The following TBC1D30 variants were observed in gnomAD, a reference collection of about 807,000 sequenced individuals.
TBC1D30 encodes the protein TBC1 domain family member 30, also known as TBC1 domain family, member 30.
Under a neutral mutation model 63.2 loss-of-function variants are expected in TBC1D30, and 31 were observed. The observed-to-expected ratio is 0.49, with a 90% CI of 0.37 to 0.66. The LOEUF is 0.66. TBC1D30 is among the 30% of genes least tolerant of loss of function. The pLI is 0.00. For missense variants in TBC1D30, 810 were observed against 953.6 expected (o/e 0.85, Z 1.98); for synonymous variants, 307 against 361.5 (o/e 0.85, Z 1.71).
exon 1 of TBC1D30, chr12:64,780,718 G>T: frequency 1.0e-6 from 1 of 980,934 alleles, no homozygotes; most frequent in South Asian, 4.7e-5. Context: ...GGGCACCACC[G>T]GCGAGGACGA....
At chr12:64,855,813 A>C (rs1010689112) in intron 8 of TBC1D30, among the ~76,000 whole-genome samples, 3 of 152,180 alleles carry the variant, frequency 2.0e-5, no homozygotes, top group African/African-American at 7.2e-5. Context: ...TATTTAGTTC[A>C]TTTGGTGAGG....
chr12:64,857,364 G>A (rs536794223), intron 8 of TBC1D30, among the ~76,000 whole-genome samples: 5 of 152,250 alleles, frequency 3.3e-5, no homozygotes, highest in Admixed American at 2.6e-4. Flanking sequence ...TTGGCCCAGG[G>A]TGTGGCTGGA....
At chr12:64,840,881 G>A (rs1565670843) in intron 7 of TBC1D30, among the ~76,000 whole-genome samples, 1 of 152,208 alleles carries the variant, frequency 6.6e-6, no homozygotes, top group Non-Finnish European at 1.5e-5. Flanking sequence ...CATGCAGCTT[G>A]TTAAGGGAAA....
intron 2 of TBC1D30, among the ~76,000 whole-genome samples, chr12:64,806,871 A>T (rs891900604): frequency 6.6e-6 from 1 of 152,254 alleles, no homozygotes; most frequent in Non-Finnish European, 1.5e-5. Flanking sequence ...GGAGACTGAC[A>T]CATGCTGTGA....
chr12:64,854,290 A>G (rs1324771004), intron 8 of TBC1D30, among the ~76,000 whole-genome samples: 3 of 152,040 alleles, frequency 2.0e-5, no homozygotes, highest in Non-Finnish European at 2.9e-5. Context: ...GGCACATACT[A>G]TCTTAAACCT....
rs79247589 is a variant in TBC1D30 at position 64,760,595 on chromosome 12, A to G, written c.-376+946A>G. Among the ~76,000 whole-genome samples the G allele has an allele frequency of 5.9e-5, 9 of 152,260 alleles. No individual in the cohort carries two copies. The East Asian group carries it at 1.7e-3, about 29-fold the overall frequency. On this transcript the variant is annotated intron_variant, in intron 1 of 13. Coordinates refer to the TBC1D30 transcript ENST00000674237. The stretch of plus-strand genomic sequence containing the variant: ...AAAAAATCACAGAGATATTCCTGGC[A>G]AGGTGAACTGTCAAGTCACATCCCC...
chr12:64,787,176 AGAGCTGTGTGG>A (rs1291243246), intron 2 of TBC1D30, among the ~76,000 whole-genome samples: 4 of 152,194 alleles, frequency 2.6e-5, no homozygotes, highest in African/African-American at 4.8e-5. Flanking sequence ...ATCATAACTA[AGAGCTGTGTGG>A]GAGCTGTGTG....
chr12:64,839,996 C>A (rs1357666639), intron 7 of TBC1D30, among the ~76,000 whole-genome samples: 1 of 85,056 alleles, frequency 1.2e-5, no homozygotes, highest in Non-Finnish European at 2.0e-5. Flanking sequence ...CAGAGCAAGA[C>A]TCTGTCTCAA....
At chr12:64,765,490 C>CAAAAAAAAAAAAAAAAAA (rs60489979) in intron 1 of TBC1D30, among the ~76,000 whole-genome samples, 2 of 17,604 alleles carry the variant, frequency 1.1e-4, no homozygotes, top group African/African-American at 3.1e-4. Context: ...AGACTGTCTC[C>CAAAAAAAAAAAAAAAAAA]AAAAAAAAAA....
Position 64,830,395 on chromosome 12 carries a change from G to T in TBC1D30, c.301G>T (p.Asp101Tyr). Reference protein sequence around the residue: ...WRRKVWLTLADHYLHSIAIDW... With the variant: ...WRRKVWLTLAYHYLHSIAIDW... ...ATTTTAGGTTTGGTTGACCTTGGCAGATCATTATTTGCACAGTATAGCCAT... is the reference window on the plus strand; with the variant it reads ...ATTTTAGGTTTGGTTGACCTTGGCATATCATTATTTGCACAGTATAGCCAT... The change falls in exon 4 of 12, where the codon GAT becomes TAT. Residue 101 changes from aspartate (D) to tyrosine (Y), a missense_variant. By Grantham distance (160) the Asp-to-Tyr change is radical. Coordinates refer to ENST00000539867, the MANE Select transcript of TBC1D30 (RefSeq NM_015279.2). The T allele has an allele frequency of 6.5e-7, 1 of 1,531,194 alleles. No individual in the cohort carries two copies. Among genetic ancestry groups the T allele is most frequent in the Non-Finnish European group, 8.7e-7 (1 of 1,143,228 alleles). The allele number at this position is 1,531,194 out of a possible 1,614,324, so 94.9% of individuals were successfully genotyped here.
At chr12:64,762,403 G>A (rs998766864) in intron 1 of TBC1D30, among the ~76,000 whole-genome samples, 2 of 152,178 alleles carry the variant, frequency 1.3e-5, no homozygotes, top group African/African-American at 4.8e-5. Flanking sequence ...AGAACAGATT[G>A]GAAGAGGACA....
upstream of TBC1D30, among the ~76,000 whole-genome samples, chr12:64,823,347 T>C (rs959290345): frequency 1.6e-4 from 24 of 152,244 alleles, no homozygotes; most frequent in Non-Finnish European, 3.5e-4. Context: ...GTGTTCTATG[T>C]CAACTTAAGA....
Position 64,814,867 on chromosome 12 carries a change from C to T in TBC1D30, c.644-12968C>T, listed in dbSNP as rs143083639. Among the ~76,000 whole-genome samples the T allele has an allele frequency of 2.8e-4, 42 of 152,298 alleles. 2 individuals carry two copies. In the East Asian group the frequency reaches 7.5e-3, roughly 27 times the overall value. ...AAACAAGACATAAATTTGACCATTA[C>T]CAGGGCCCACTATTACTGGTGGATT... On this transcript the variant is annotated intron_variant, in intron 2 of 12. Coordinates refer to the TBC1D30 transcript ENST00000542120.
chr12:64,853,013 C>G (rs1395911239), intron 8 of TBC1D30, among the ~76,000 whole-genome samples: 1 of 152,174 alleles, frequency 6.6e-6, no homozygotes, highest in African/African-American at 2.4e-5. Flanking sequence ...AGAGCTCGAG[C>G]ACTGTGCGGA....
rs1872409421 is a variant in TBC1D30 at position 64,798,526 on chromosome 12, C to G, written c.643+12481C>G. Among the ~76,000 whole-genome samples, 3 of 152,150 alleles carry G rather than the reference C, an allele frequency of 2.0e-5. No individual in the cohort carries two copies. In the South Asian group the frequency reaches 6.2e-4, roughly 31 times the overall value. ...GTTGCTGACATAGGAGAATTTCAGG[C>G]AAGTCAAGGCTGATTTGATATTCTC... On this transcript the variant is annotated intron_variant, in intron 2 of 12. Coordinates refer to the TBC1D30 transcript ENST00000542120.
In TBC1D30 at chr12:64,838,822, G is replaced by A. The variant is rs1875593317; in HGVS notation, c.903G>A (p.Val301=). Residue 301 remains valine (V), a synonymous_variant, in exon 7 of 12, where the codon GTG becomes GTA. Coordinates refer to ENST00000539867, the MANE Select transcript of TBC1D30 (RefSeq NM_015279.2). ...AAGGTTCAGAAATCATCCTAAGGGT[G>A]TCGCTGGCTATCTGGGCAAAATTAG... The part of the protein sequence containing the change: ...FFEGSEIILR[V]SLAIWAKLGE... 6.5e-7 allele frequency: 1 copy of A among 1,536,100 alleles called. No homozygotes were observed. The highest frequency in any genetic ancestry group is 1.4e-5 in the African/African-American group (1 of 73,170).
At chr12:64,858,883 G>A (rs1277511933) in intron 8 of TBC1D30, among the ~76,000 whole-genome samples, 1 of 152,156 alleles carries the variant, frequency 6.6e-6, no homozygotes, top group Non-Finnish European at 1.5e-5. Context: ...AGGGGCTGGG[G>A]GCTGAGGAAG....
At chr12:64,833,100 A>G (rs1442960019) in intron 5 of TBC1D30, among the ~76,000 whole-genome samples, 1 of 152,142 alleles carries the variant, frequency 6.6e-6, no homozygotes, top group Non-Finnish European at 1.5e-5. Context: ...CACACTAGTT[A>G]TGCTTAATTT....
At chr12:64,766,951 G>C (rs1185598503) in intron 1 of TBC1D30, among the ~76,000 whole-genome samples, 1 of 152,042 alleles carries the variant, frequency 6.6e-6, no homozygotes, top group East Asian at 1.9e-4. Flanking sequence ...ATAATCAGTG[G>C]ATTAAAACAG....
Sources: gnomAD v4.1 joint callset for allele counts (sites outside exome capture counted in the v4.1 genomes callset) on GRCh38, gnomAD v4.1.1 for gene constraint, MANE v1.5 for transcripts, NCBI Gene and HGNC (gene_info 2026-07-23, HGNC 2026-07-21) for gene names.